Variants in CSTPP1 observed in about 807,000 individuals in gnomAD.
The protein encoded by CSTPP1 is UPF0705 protein C11orf49.
the CSTPP1 span, among the ~76,000 whole-genome samples, chr11:47,037,915 T>C: frequency 1.4e-3 from 175 of 124,814 alleles, 16 homozygotes; most frequent in African/African-American, 3.9e-3. Context: ...ACCTCCCAGA[T>C]GGGGTGGTGG....
chr11:46,963,803 T>C, the CSTPP1 span, among the ~76,000 whole-genome samples: 1 of 149,318 alleles, frequency 6.7e-6, no homozygotes. Context: ...AAAAAAAAGA[T>C]ATTAGAAACT....
the CSTPP1 span, chr11:47,103,573 C>G: frequency 2.0e-5 from 3 of 151,612 alleles, no homozygotes; most frequent in African/African-American, 7.3e-5. Flanking sequence ...TTCAAACACT[C>G]AGAATGGATG....
the CSTPP1 span, among the ~76,000 whole-genome samples, chr11:47,069,896 T>C: frequency 1.3e-5 from 2 of 152,164 alleles, no homozygotes; most frequent in Non-Finnish European, 2.9e-5. Flanking sequence ...GTGTTTTTAG[T>C]AGAGACGGGG....
chr11:47,091,522 G>T, the CSTPP1 span, among the ~76,000 whole-genome samples: 282 of 152,334 alleles, frequency 1.9e-3, 1 homozygote, highest in African/African-American at 6.7e-3. Flanking sequence ...GAGAAGGAAT[G>T]ATGTTATTAT....
chr11:47,016,641 T>A, the CSTPP1 span, among the ~76,000 whole-genome samples: 3 of 152,166 alleles, frequency 2.0e-5, no homozygotes, highest in East Asian at 5.8e-4. Context: ...CTATAGTGAC[T>A]GATTAATATA....
At chr11:46,943,675 C>T in the CSTPP1 span, among the ~76,000 whole-genome samples, 3 of 152,080 alleles carry the variant, frequency 2.0e-5, no homozygotes, top group Admixed American at 2.0e-4. Flanking sequence ...AGCTGTATGA[C>T]CTAGAAGAAA....
chr11:46,996,486 T>C, the CSTPP1 span, among the ~76,000 whole-genome samples: 1 of 152,016 alleles, frequency 6.6e-6, no homozygotes, highest in South Asian at 2.1e-4. Context: ...GTATTTTTAG[T>C]AGAGACGGGG....
chr11:46,975,882 A>C, the CSTPP1 span, among the ~76,000 whole-genome samples: 3 of 152,222 alleles, frequency 2.0e-5, no homozygotes, highest in African/African-American at 7.2e-5. Context: ...CAATCCAGAG[A>C]GGCCAGTGGG....
At chr11:46,967,789 T>A in the CSTPP1 span, among the ~76,000 whole-genome samples, 1 of 148,648 alleles carries the variant, frequency 6.7e-6, no homozygotes, top group Non-Finnish European at 1.5e-5. Context: ...AATAGGAAAC[T>A]ATATTATTAT....
chr11:46,968,501 C>G, the CSTPP1 span, among the ~76,000 whole-genome samples: 82 of 150,234 alleles, frequency 5.5e-4, 1 homozygote, highest in East Asian at 5.8e-4. Context: ...AAAATGATAA[C>G]TGGAATTACC....
the CSTPP1 span, among the ~76,000 whole-genome samples, chr11:47,004,970 G>A: frequency 3.3e-5 from 5 of 152,194 alleles, no homozygotes; most frequent in Non-Finnish European, 7.4e-5. Context: ...CAGGCAGGGA[G>A]AGTATATTTA....
the CSTPP1 span, among the ~76,000 whole-genome samples, chr11:47,002,013 G>A: frequency 1.3e-5 from 2 of 152,104 alleles, no homozygotes; most frequent in Non-Finnish European, 2.9e-5. Context: ...ATGTGGTGTG[G>A]TAAAGTAATG....
the CSTPP1 span, among the ~76,000 whole-genome samples, chr11:47,040,086 T>G: frequency 2.3e-5 from 3 of 128,582 alleles, 1 homozygote; most frequent in Non-Finnish European, 3.7e-5. Flanking sequence ...CAGATGCTGC[T>G]CTAACTAAAG....
chr11:47,038,464 C>A, the CSTPP1 span, among the ~76,000 whole-genome samples: 2 of 108,768 alleles, frequency 1.8e-5, no homozygotes, highest in South Asian at 3.0e-4. Flanking sequence ...GCTGACCCCC[C>A]CACCTCCCTC....
the CSTPP1 span, among the ~76,000 whole-genome samples, chr11:47,110,310 A>G: frequency 6.6e-6 from 1 of 152,234 alleles, no homozygotes; most frequent in Non-Finnish European, 1.5e-5. Flanking sequence ...TTGACTAAAT[A>G]AGTAGCTAAG....
At chr11:46,959,516 G>A in the CSTPP1 span, among the ~76,000 whole-genome samples, 2 of 152,114 alleles carry the variant, frequency 1.3e-5, no homozygotes, top group African/African-American at 4.8e-5. Flanking sequence ...GTAAGGTTGG[G>A]AAGAGGATCT....
the CSTPP1 span, among the ~76,000 whole-genome samples, chr11:46,942,677 C>T: frequency 2.6e-5 from 4 of 152,050 alleles, no homozygotes; most frequent in Admixed American, 1.3e-4. Flanking sequence ...TGAACTCTTC[C>T]TATATGCCTG....
the CSTPP1 span, among the ~76,000 whole-genome samples, chr11:47,116,678 T>TG: frequency 1.5e-5 from 2 of 130,624 alleles, no homozygotes; most frequent in Non-Finnish European, 3.2e-5. Flanking sequence ...TTGGTAGGTT[T>TG]TTTTTTTTTT....
the CSTPP1 span, among the ~76,000 whole-genome samples, chr11:47,009,568 G>T: frequency 1.3e-5 from 2 of 152,070 alleles, no homozygotes; most frequent in African/African-American, 4.8e-5. Context: ...AGGCCAAGGC[G>T]GGAGCATCAG....
Sources: allele counts gnomAD v4.1 joint callset (sites outside exome capture counted in the v4.1 genomes callset), GRCh38; gene constraint gnomAD v4.1.1; transcripts MANE v1.5; gene names NCBI Gene and HGNC (gene_info 2026-07-23, HGNC 2026-07-21).